Variants in HOXC4 observed in about 807,000 individuals in gnomAD.
The protein encoded by HOXC4 is homeobox protein Hox-C4.
A neutral mutation model predicts 25.5 loss-of-function variants in HOXC4; 15 were observed. The observed-to-expected ratio is 0.59, with a 90% CI of 0.39 to 0.91. The LOEUF is 0.91. Among genes scored for constraint, HOXC4 ranks in the 40% least tolerant of loss-of-function variants. The pLI, the probability that HOXC4 is intolerant of heterozygous loss-of-function variation, is 0.00. For missense variants in HOXC4, 342 were observed against 352.4 expected, an observed-to-expected ratio of 0.97 and a Z score of 0.24; for synonymous variants, 165 against 148.0, an observed-to-expected ratio of 1.11 and a Z score of -0.83.
At chr12:54,050,016 G>A (rs1050937966), upstream of HOXC4, among the ~76,000 whole-genome samples, 1 of 152,130 alleles carries the variant, frequency 6.6e-6, no homozygotes, top group Non-Finnish European at 1.5e-5. Flanking sequence ...AGTAGGGAAA[G>A]GAATGACCCT....
At position 54,054,326 on chromosome 12, in the gene HOXC4, T is replaced by C; in HGVS notation, c.404T>C (p.Val135Ala). ...PSSAASKQPIVYPWMKKIHVS... is the reference protein window; with the variant it reads ...PSSAASKQPIAYPWMKKIHVS... ...AGCGCCGCCAGCAAGCAACCCATAG[T>C]CTACCCATGGATGAAAAAAATTCAC... Residue 135 changes from valine (V) to alanine (A), a missense_variant, in exon 1 of 2, where the codon GTC becomes GCC. Coordinates refer to ENST00000430889, the MANE Select transcript of HOXC4 (RefSeq NM_153633.3). 1 of 1,596,234 alleles carries C rather than the reference T, an allele frequency of 6.3e-7. No homozygotes were observed. The highest frequency in any genetic ancestry group is 8.5e-7 in the Non-Finnish European group (1 of 1,172,680).
intron 1 of HOXC4, among the ~76,000 whole-genome samples, chr12:54,024,267 C>T (rs1940583956): frequency 1.3e-5 from 2 of 152,286 alleles, no homozygotes; most frequent in Admixed American, 6.5e-5. Context: ...CGGGCAGCTG[C>T]GGTCGCGTCC....
At chr12:54,051,757 G>A (rs1937851428), upstream of HOXC4, among the ~76,000 whole-genome samples, 2 of 152,186 alleles carry the variant, frequency 1.3e-5, no homozygotes, top group African/African-American at 2.4e-5. Context: ...GGTGGGGCTG[G>A]GGGCCTAAGC....
chr12:54,026,450 TAACTC>T (rs1479436949), intron 1 of HOXC4, among the ~76,000 whole-genome samples: 4 of 152,248 alleles, frequency 2.6e-5, no homozygotes, highest in Admixed American at 6.5e-5. Flanking sequence ...AAAAATGAGA[TAACTC>T]ATCTAAAATT....
intron 1 of HOXC4, chr12:54,035,265 C>T (rs887913572): frequency 1.3e-5 from 2 of 152,768 alleles, no homozygotes; most frequent in African/African-American, 4.8e-5. Flanking sequence ...ATTTCTGTGC[C>T]CTCCTGACCC....
At chr12:54,045,564 C>T (rs1265251273) in intron 1 of HOXC4, among the ~76,000 whole-genome samples, 2 of 152,210 alleles carry the variant, frequency 1.3e-5, no homozygotes, top group Non-Finnish European at 2.9e-5. Context: ...GAGATCTTTA[C>T]AGTCTTTGCA....
chr12:54,037,559 C>T (rs540901640), intron 1 of HOXC4, among the ~76,000 whole-genome samples: 1 of 152,266 alleles, frequency 6.6e-6, no homozygotes, highest in Admixed American at 6.5e-5. Flanking sequence ...AACACGACCT[C>T]GAAGGCGACA....
intron 1 of HOXC4, chr12:54,029,703 G>T (rs113381644): frequency 1.1e-4 from 178 of 1,613,964 alleles, no homozygotes; most frequent in Non-Finnish European, 1.4e-4. Flanking sequence ...ATCTACTCGC[G>T]GTACCAGACC....
chr12:54,033,844 G>A, intron 1 of HOXC4: 1 of 531,026 alleles, frequency 1.9e-6, no homozygotes. Context: ...GATCTGAAGG[G>A]TGAGGAGCGC....
chr12:54,037,625 C>A (rs1030739399), intron 1 of HOXC4, among the ~76,000 whole-genome samples: 1 of 152,234 alleles, frequency 6.6e-6, no homozygotes, highest in African/African-American at 2.4e-5. Context: ...CCTCTCCCCC[C>A]TCTCCACCCT....
At chr12:54,031,315 G>A (rs1489482955) in intron 1 of HOXC4, among the ~76,000 whole-genome samples, 1 of 152,210 alleles carries the variant, frequency 6.6e-6, no homozygotes, top group Non-Finnish European at 1.5e-5. Context: ...TAGCGGAGGC[G>A]GAGAGCGGAG....
intron 1 of HOXC4, among the ~76,000 whole-genome samples, chr12:54,026,434 C>G (rs1052429864): frequency 2.0e-5 from 3 of 152,200 alleles, no homozygotes; most frequent in Admixed American, 6.5e-5. Flanking sequence ...CCTGCCAAGT[C>G]ACCCCAAAAA....
intron 1 of HOXC4, among the ~76,000 whole-genome samples, chr12:54,025,658 C>A (rs922925445): frequency 1.3e-5 from 2 of 151,996 alleles, no homozygotes; most frequent in African/African-American, 4.8e-5. Flanking sequence ...CAGCTGGTTT[C>A]TGTTCATTAT....
intron 1 of HOXC4, among the ~76,000 whole-genome samples, chr12:54,025,526 T>C (rs1456298714): frequency 2.0e-4 from 3 of 15,204 alleles, no homozygotes; most frequent in Non-Finnish European, 2.9e-4. Context: ...TGAAAGGTAA[T>C]TGGGGGGGGG....
At chr12:54,030,970 C>G (rs1392907186) in intron 1 of HOXC4, 1 of 152,360 alleles carries the variant, frequency 6.6e-6, no homozygotes, top group Non-Finnish European at 1.5e-5. Context: ...CGGCCCCGGC[C>G]TTCTGTTCGT....
intron 1 of HOXC4, chr12:54,021,242 C>G (rs561359139): frequency 3.9e-5 from 6 of 152,398 alleles, no homozygotes; most frequent in Admixed American, 3.9e-4. Context: ...GCATCCGTGG[C>G]GGCAGATTGG....
chr12:54,034,590 G>A (rs1341493661), intron 1 of HOXC4: 2 of 1,012,608 alleles, frequency 2.0e-6, no homozygotes, highest in African/African-American at 3.2e-5. Context: ...GTCGGGGGCA[G>A]GTGCTGGAGC....
chr12:54,040,804 C>A (rs1192469790), intron 1 of HOXC4, among the ~76,000 whole-genome samples: 1 of 152,174 alleles, frequency 6.6e-6, no homozygotes, highest in Non-Finnish European at 1.5e-5. Flanking sequence ...CTTTTGATTT[C>A]TCTTTCTGGA....
intron 1 of HOXC4, chr12:54,033,551 G>A: frequency 1.3e-6 from 2 of 1,595,978 alleles, no homozygotes; most frequent in Non-Finnish European, 1.7e-6. Context: ...TTTACCCGTG[G>A]ATGACCAAAC....
Sources: allele counts gnomAD v4.1 joint callset (sites outside exome capture counted in the v4.1 genomes callset), GRCh38; gene constraint gnomAD v4.1.1; transcripts MANE v1.5; gene names NCBI Gene and HGNC (gene_info 2026-07-23, HGNC 2026-07-21).